The following ITGA9 variants were observed in gnomAD, a reference collection of about 807,000 sequenced individuals.
ITGA9 encodes integrin alpha-9.
A neutral mutation model predicts 127.8 loss-of-function variants in ITGA9; 56 were observed. That is an observed-to-expected ratio of 0.44 (90% CI 0.35 to 0.55). The LOEUF (loss-of-function observed/expected upper bound fraction) is 0.55. ITGA9 is among the 20% of genes least tolerant of loss of function. ITGA9 has a pLI of 0.00. For missense variants in ITGA9, 1,196 were observed against 1,347.1 expected, an observed-to-expected ratio of 0.89 and a Z score of 1.76; for synonymous variants, 508 against 514.5, an observed-to-expected ratio of 0.99 and a Z score of 0.17.
intron 16 of ITGA9, among the ~76,000 whole-genome samples, chr3:37,653,431 T>C (rs1266988335): frequency 6.6e-6 from 1 of 152,150 alleles, no homozygotes; most frequent in African/African-American, 2.4e-5. Flanking sequence ...CACCACCACG[T>C]ACCTCTCTTG....
chr3:37,518,771 CTTTTTTTTT>C (rs543297344), intron 10 of ITGA9, among the ~76,000 whole-genome samples: 275 of 43,486 alleles, frequency 6.3e-3, no homozygotes, highest in African/African-American at 0.024. Flanking sequence ...TTTCACTGTA[CTTTTTTTTT>C]TTTTTTTTTT....
At chr3:37,692,021 CA>C (rs1479200792) in intron 18 of ITGA9, among the ~76,000 whole-genome samples, 2 of 152,174 alleles carry the variant, frequency 1.3e-5, no homozygotes, top group African/African-American at 4.8e-5. Flanking sequence ...CCAGCAGATG[CA>C]GAGTTGAGAT....
At chr3:37,538,617 G>C (rs899030634) in intron 14 of ITGA9, among the ~76,000 whole-genome samples, 1 of 152,186 alleles carries the variant, frequency 6.6e-6, no homozygotes, top group Non-Finnish European at 1.5e-5. Context: ...GGCCCTGACC[G>C]CGGAGCCCGG....
chr3:37,490,637 G>A (rs573499791), intron 4 of ITGA9, among the ~76,000 whole-genome samples: 8 of 152,292 alleles, frequency 5.3e-5, no homozygotes, highest in East Asian at 3.9e-4. Context: ...GACCCCACCC[G>A]ATTGGTGGTC....
intron 13 of ITGA9, among the ~76,000 whole-genome samples, chr3:37,532,234 C>T (rs147007665): frequency 6.6e-6 from 1 of 152,352 alleles, no homozygotes; most frequent in East Asian, 1.9e-4. Context: ...GACCCCATCT[C>T]CCAGCATGGT....
intron 15 of ITGA9, among the ~76,000 whole-genome samples, chr3:37,548,082 C>T (rs549172942): frequency 6.6e-6 from 1 of 152,126 alleles, no homozygotes; most frequent in East Asian, 1.9e-4. Flanking sequence ...GCAAATCGCA[C>T]AAAATCTAGC....
intron 26 of ITGA9, among the ~76,000 whole-genome samples, chr3:37,789,595 T>TA (rs1475312681): frequency 1.8e-5 from 2 of 108,668 alleles, no homozygotes; most frequent in Non-Finnish European, 4.0e-5. Context: ...CTGTCTCTAC[T>TA]AAAAAATACC....
At chr3:37,708,721 G>T (rs1444536118) in intron 18 of ITGA9, among the ~76,000 whole-genome samples, 1 of 66 alleles carries the variant, frequency 0.015, no homozygotes, top group African/African-American at 0.056. Context: ...CATTGAGGCT[G>T]AGAAACCCTG....
intron 15 of ITGA9, among the ~76,000 whole-genome samples, chr3:37,558,106 C>T (rs143816726): frequency 2.6e-5 from 4 of 152,276 alleles, no homozygotes; most frequent in East Asian, 3.9e-4. Flanking sequence ...CACGTGTGTC[C>T]GTGCTCTGAG....
At chr3:37,780,094 A>G in intron 25 of ITGA9, 73 bp downstream of exon 25, 1 of 1,579,224 alleles carries the variant, frequency 6.3e-7, no homozygotes, top group Non-Finnish European at 8.7e-7. Flanking sequence ...TTTTGGGTAA[A>G]AAAAAGGAAA....
chr3:37,505,322 A>G (rs1698828672), intron 6 of ITGA9, among the ~76,000 whole-genome samples: 1 of 152,248 alleles, frequency 6.6e-6, no homozygotes, highest in South Asian at 2.1e-4. Flanking sequence ...CATGCATAAA[A>G]ATGTTGGTAG....
intron 1 of ITGA9, among the ~76,000 whole-genome samples, chr3:37,464,136 T>TGC (rs1236705576): frequency 5.9e-5 from 9 of 151,394 alleles, no homozygotes; most frequent in African/African-American, 2.2e-4. Context: ...TGTGTGTGTG[T>TGC]GTGTGTGTGT....
chr3:37,604,691 A>G (rs924137566), intron 15 of ITGA9, among the ~76,000 whole-genome samples: 2 of 152,168 alleles, frequency 1.3e-5, no homozygotes, highest in Non-Finnish European at 2.9e-5. Flanking sequence ...TCGAACAGGA[A>G]CCCAAAGGAT....
At chr3:37,553,737 G>C (rs1188850539) in intron 15 of ITGA9, among the ~76,000 whole-genome samples, 1 of 152,186 alleles carries the variant, frequency 6.6e-6, no homozygotes, top group African/African-American at 2.4e-5. Context: ...TCTGGGGAAG[G>C]TGATCATTTG....
At chr3:37,663,495 G>A (rs7648622) in intron 17 of ITGA9, among the ~76,000 whole-genome samples, 5,726 of 152,206 alleles carry the variant, frequency 0.038, 122 homozygotes, top group Non-Finnish European at 0.049. Flanking sequence ...TGGGTGGTGG[G>A]GCGAAGTGCA....
chr3:37,751,411 C>T (rs1696584687), intron 23 of ITGA9, among the ~76,000 whole-genome samples: 1 of 152,180 alleles, frequency 6.6e-6, no homozygotes, highest in South Asian at 2.1e-4. Context: ...CCATGCTGAC[C>T]ATGCCACATT....
At chr3:37,736,685 G>C (rs1359368224) in intron 19 of ITGA9, among the ~76,000 whole-genome samples, 1 of 152,212 alleles carries the variant, frequency 6.6e-6, no homozygotes, top group Non-Finnish European at 1.5e-5. Flanking sequence ...GAGAGCCTCG[G>C]TGGCGGAACA....
intron 17 of ITGA9, among the ~76,000 whole-genome samples, chr3:37,668,320 C>G (rs1700604965): frequency 6.6e-6 from 1 of 152,214 alleles, no homozygotes; most frequent in Non-Finnish European, 1.5e-5. Context: ...GTCTACCTCA[C>G]AGGTGTGCCT....
At chr3:37,604,911 T>G (rs1397455976) in intron 15 of ITGA9, among the ~76,000 whole-genome samples, 1 of 152,194 alleles carries the variant, frequency 6.6e-6, no homozygotes, top group Non-Finnish European at 1.5e-5. Flanking sequence ...TCTATCAAGT[T>G]CATTAGTTTA....
Sources: gnomAD v4.1 joint callset for allele counts (sites outside exome capture counted in the v4.1 genomes callset) on GRCh38, gnomAD v4.1.1 for gene constraint, MANE v1.5 for transcripts, NCBI Gene and HGNC (gene_info 2026-07-23, HGNC 2026-07-21) for gene names.